Variants in CBR4 observed in about 807,000 individuals in gnomAD.
CBR4 encodes the protein carbonyl reductase 4, also known as 3-oxoacyl-[acyl-carrier-protein] reductase.
Under a neutral mutation model 21.0 loss-of-function variants are expected in CBR4, and 22 were observed. The ratio of observed to expected loss-of-function variants is 1.05; its 90% CI spans 0.75 to 1.50. CBR4 has a LOEUF of 1.50. Among genes scored for constraint, CBR4 ranks in the 40% most tolerant of loss-of-function variants. The probability of loss-of-function intolerance (pLI) is 0.00; values close to 1 mark genes in which losing one functional copy is unlikely to be tolerated. For missense variants in CBR4, 302 were observed against 286.3 expected (o/e 1.05, Z -0.40); for synonymous variants, 100 against 104.4 (o/e 0.96, Z 0.26).
chr4:168,922,948 A>G (rs190056783), intron 2 of CBR4, among the ~76,000 whole-genome samples: 8 of 152,318 alleles, frequency 5.3e-5, no homozygotes, highest in Admixed American at 4.6e-4. Flanking sequence ...CTAGTGTGAC[A>G]TTTGGCAAAT....
At chr4:168,997,764 T>G (rs1174545819) in intron 4 of CBR4, among the ~76,000 whole-genome samples, 3 of 152,226 alleles carry the variant, frequency 2.0e-5, no homozygotes, top group African/African-American at 7.2e-5. Flanking sequence ...ATCAGGATTT[T>G]AGCCTATCAC....
At chr4:168,916,177 C>T (rs1267293365) in intron 2 of CBR4, 13 of 793,804 alleles carry the variant, frequency 1.6e-5, no homozygotes, top group Middle Eastern at 3.1e-4. Context: ...CTTTAGAGTC[C>T]AAAGCCGGGC....
At chr4:169,005,260 T>C (rs912384186) in intron 3 of CBR4, 1 of 152,216 alleles carries the variant, frequency 6.6e-6, no homozygotes, top group South Asian at 2.1e-4. Context: ...GCTGGTCCGA[T>C]GGTAGCGGGT....
intron 2 of CBR4, among the ~76,000 whole-genome samples, chr4:168,959,015 T>C (rs1763767390): frequency 6.6e-6 from 1 of 152,194 alleles, no homozygotes; most frequent in African/African-American, 2.4e-5. Flanking sequence ...CTTAATGATA[T>C]CTTCCAAAGA....
At chr4:168,934,623 T>C (rs890062027) in intron 2 of CBR4, among the ~76,000 whole-genome samples, 2 of 151,686 alleles carry the variant, frequency 1.3e-5, no homozygotes, top group Admixed American at 6.6e-5. Context: ...CTACCAAGAC[T>C]GAACCAAAAA....
intron 3 of CBR4, among the ~76,000 whole-genome samples, chr4:169,002,445 T>A (rs569902424): frequency 1.3e-5 from 2 of 152,330 alleles, no homozygotes; most frequent in South Asian, 4.1e-4. Flanking sequence ...AAACTGCCAA[T>A]GCAGGTGCTT....
At chr4:168,899,577 G>A (rs896119966) in intron 2 of CBR4, among the ~76,000 whole-genome samples, 3 of 152,082 alleles carry the variant, frequency 2.0e-5, no homozygotes, top group Non-Finnish European at 2.9e-5. Flanking sequence ...GTGTTAGGCC[G>A]TTTTTGCATA....
intron 2 of CBR4, among the ~76,000 whole-genome samples, chr4:168,969,320 A>G (rs1764135423): frequency 6.6e-6 from 1 of 152,236 alleles, no homozygotes; most frequent in African/African-American, 2.4e-5. Flanking sequence ...GCAAAAGATC[A>G]TAATTTTTCA....
At chr4:168,909,550 G>T (rs1758478178) in intron 2 of CBR4, among the ~76,000 whole-genome samples, 1 of 152,108 alleles carries the variant, frequency 6.6e-6, no homozygotes, top group African/African-American at 2.4e-5. Context: ...TTTGTTGCTT[G>T]TGTTTTGTTT....
In CBR4 at chr4:168,967,756, A is replaced by G. The variant is rs140419041; in HGVS notation, n.169+34315T>C. Among the ~76,000 whole-genome samples, 735 of 152,266 alleles carry G rather than the reference A, an allele frequency of 4.8e-3. 7 individuals are homozygous for G. Among genetic ancestry groups the G allele is most frequent in the Admixed American group, 5.5e-3 (84 of 15,284 alleles). ...GGTACTAAAAAGTGTATCTCAAACAAACAAAAACTGATAGACCATGGTATT... is the reference window on the plus strand; with the variant it reads ...GGTACTAAAAAGTGTATCTCAAACAGACAAAAACTGATAGACCATGGTATT... On this transcript the variant is annotated intron_variant and non_coding_transcript_variant, in intron 2 of 3. Transcript: ENST00000509108.
rs1764189932 is a variant in CBR4 at position 168,970,966 on chromosome 4, G to C, written n.169+31105C>G. Among the ~76,000 whole-genome samples, 4 of 152,158 alleles carry C rather than the reference G, an allele frequency of 2.6e-5. No homozygotes were observed. In the South Asian group the frequency reaches 6.2e-4, roughly 24 times the overall value. The stretch of plus-strand genomic sequence containing the variant: ...TGTGCATGTGTCTTTTTCATAAAAT[G>C]ACTTCTTTTCCTCTGGGTAGATACC... On this transcript the variant is annotated intron_variant and non_coding_transcript_variant, in intron 2 of 3. Coordinates refer to the CBR4 transcript ENST00000509108.
downstream of CBR4, among the ~76,000 whole-genome samples, chr4:168,985,129 A>C (rs1764648246): frequency 6.6e-6 from 1 of 152,230 alleles, no homozygotes; most frequent in Admixed American, 6.5e-5. Flanking sequence ...AAATGGGAGA[A>C]TATATTTGCA....
intron 2 of CBR4, chr4:168,927,638 T>C (rs1283401407): frequency 8.8e-6 from 2 of 226,678 alleles, no homozygotes; most frequent in Non-Finnish European, 1.8e-5. Context: ...AAATTATTAG[T>C]TCACTTCCCT....
chr4:168,940,608 C>G (rs909237356), intron 2 of CBR4, among the ~76,000 whole-genome samples: 2 of 151,620 alleles, frequency 1.3e-5, no homozygotes, highest in Non-Finnish European at 2.9e-5. Context: ...AAAAAAACAT[C>G]AAAAAGTGGG....
intron 2 of CBR4, among the ~76,000 whole-genome samples, chr4:168,971,549 GCTGGGATTAGAGGCATGGGCCACTGCAC>G (rs1392372257): frequency 6.6e-6 from 1 of 150,950 alleles, no homozygotes; most frequent in African/African-American, 2.4e-5. Context: ...CTCCCAAAGT[GCTGGGATTAGAGGCATGGGCCACTGCAC>G]CTGGCCCATT....
At chr4:168,999,934 T>C (rs1397855652) in intron 4 of CBR4, among the ~76,000 whole-genome samples, 1 of 152,202 alleles carries the variant, frequency 6.6e-6, no homozygotes, top group Admixed American at 6.5e-5. Flanking sequence ...TGCAGAAATA[T>C]CTTATTCATT....
intron 2 of CBR4, among the ~76,000 whole-genome samples, chr4:168,917,748 A>G (rs182894045): frequency 3.9e-5 from 6 of 152,220 alleles, no homozygotes; most frequent in Admixed American, 3.9e-4. Context: ...TAGGATCATT[A>G]TTTATTTTTT....
chr4:168,900,845 A>T (rs187914054), intron 2 of CBR4, among the ~76,000 whole-genome samples: 2 of 152,364 alleles, frequency 1.3e-5, no homozygotes, highest in South Asian at 2.1e-4. Flanking sequence ...TAGTTTATGA[A>T]CGAAATTCAA....
chr4:168,978,708 G>C (rs1423898952), intron 2 of CBR4, among the ~76,000 whole-genome samples: 2 of 152,174 alleles, frequency 1.3e-5, no homozygotes, highest in African/African-American at 4.8e-5. Flanking sequence ...GGAACCGTGA[G>C]CACTCCTGCA....
Sources: allele counts gnomAD v4.1 joint callset (sites outside exome capture counted in the v4.1 genomes callset), GRCh38; gene constraint gnomAD v4.1.1; transcripts MANE v1.5; gene names NCBI Gene and HGNC (gene_info 2026-07-23, HGNC 2026-07-21).